Variants in SUPT3H observed in about 807,000 individuals in gnomAD.
SUPT3H encodes the protein transcription initiation protein SPT3 homolog.
Under a neutral mutation model 44.3 loss-of-function variants are expected in SUPT3H, and 44 were observed. The observed-to-expected ratio is 0.99, with a 90% CI of 0.78 to 1.28. SUPT3H has a LOEUF of 1.28. Among genes scored for constraint, SUPT3H ranks in the 50% most tolerant of loss-of-function variants. SUPT3H has a pLI of 0.00. For missense variants in SUPT3H, 380 were observed against 387.1 expected, an observed-to-expected ratio of 0.98 and a Z score of 0.15; for synonymous variants, 124 against 125.6, an observed-to-expected ratio of 0.99 and a Z score of 0.09.
At chr6:44,938,250 T>C (rs930274286) in intron 9 of SUPT3H, among the ~76,000 whole-genome samples, 3 of 152,122 alleles carry the variant, frequency 2.0e-5, no homozygotes, top group African/African-American at 7.2e-5. Flanking sequence ...TTGATTTTTG[T>C]ATATGATAAG....
intron 9 of SUPT3H, among the ~76,000 whole-genome samples, chr6:44,938,700 C>T (rs975383341): frequency 6.6e-6 from 1 of 152,046 alleles, no homozygotes; most frequent in Non-Finnish European, 1.5e-5. Flanking sequence ...TCTTCTGATC[C>T]ATAAGCATGG....
intron 2 of SUPT3H, among the ~76,000 whole-genome samples, chr6:45,293,502 C>T (rs1223206500): frequency 5.5e-5 from 8 of 146,544 alleles, no homozygotes; most frequent in Non-Finnish European, 1.1e-4. Flanking sequence ...CAGAACTAAA[C>T]GAAACTGAAA....
chr6:44,979,498 T>C (rs1221966621), intron 6 of SUPT3H, among the ~76,000 whole-genome samples: 1 of 152,096 alleles, frequency 6.6e-6, no homozygotes, highest in Admixed American at 6.6e-5. Flanking sequence ...AAAAGTAAAC[T>C]CAGTTTTTAT....
At position 44,976,364 on chromosome 6, in the gene SUPT3H, C is replaced by CT. The variant is rs34713610; in HGVS notation, c.505-14537dup. Among the ~76,000 whole-genome samples the CT allele has an allele frequency of 5.4e-3, 802 of 147,294 alleles. 6 individuals carry two copies. The highest frequency in any genetic ancestry group is 0.016 in the African/African-American group (658 of 40,330). ...GTCTACACATTTGGAAAATTAATGT[C>CT]TTTTTTTTTTTTCTTGAGACAGAGT... On this transcript the variant is annotated intron_variant, in intron 6 of 10. Coordinates refer to ENST00000371459, the MANE Select transcript of SUPT3H (RefSeq NM_003599.4).
chr6:45,223,750 T>G (rs1766449432), intron 2 of SUPT3H, among the ~76,000 whole-genome samples: 2 of 151,666 alleles, frequency 1.3e-5, no homozygotes. Flanking sequence ...AGGATACATT[T>G]ACTGTAATTA....
At chr6:45,043,366 T>C (rs1199974961) in intron 3 of SUPT3H, among the ~76,000 whole-genome samples, 1 of 152,174 alleles carries the variant, frequency 6.6e-6, no homozygotes, top group Non-Finnish European at 1.5e-5. Flanking sequence ...ACAGGTTTGT[T>C]ACATGGGTGA....
intron 2 of SUPT3H, among the ~76,000 whole-genome samples, chr6:45,345,819 G>T (rs1790741146): frequency 6.6e-6 from 1 of 152,018 alleles, no homozygotes; most frequent in African/African-American, 2.4e-5. Context: ...TAACTCCTCA[G>T]TCTGCCAAAG....
chr6:45,077,769 AAGAT>A (rs1795222221), intron 3 of SUPT3H, among the ~76,000 whole-genome samples: 1 of 152,128 alleles, frequency 6.6e-6, no homozygotes, highest in African/African-American at 2.4e-5. Context: ...AAAGTAAAGA[AAGAT>A]AGATCAAAAT....
At chr6:45,020,288 T>C (rs1256425423) in intron 4 of SUPT3H, among the ~76,000 whole-genome samples, 1 of 151,888 alleles carries the variant, frequency 6.6e-6, no homozygotes, top group Non-Finnish European at 1.5e-5. Context: ...CATGTAGCAA[T>C]GAAAGTGTCT....
At chr6:45,263,520 C>T (rs1293400255) in intron 2 of SUPT3H, among the ~76,000 whole-genome samples, 2 of 152,040 alleles carry the variant, frequency 1.3e-5, no homozygotes, top group Non-Finnish European at 2.9e-5. Context: ...TGAAAAACTA[C>T]ATATTGAGTA....
intron 2 of SUPT3H, among the ~76,000 whole-genome samples, chr6:45,255,657 A>T: frequency 6.6e-6 from 1 of 151,998 alleles, no homozygotes; most frequent in Non-Finnish European, 1.5e-5. Flanking sequence ...TCCTGGCCTC[A>T]GGTGATCCTC....
rs114483632 is a variant in SUPT3H, at chr6:44,934,092, G to C, written c.802-1329C>G. 4.8e-3 allele frequency among the ~76,000 whole-genome samples: 726 copies of C among 152,188 alleles called. 8 individuals are homozygous for C. Among genetic ancestry groups the C allele is most frequent in the African/African-American group, 0.016 (678 of 41,520 alleles). ...GGTCTAGAAGTCATTTGTAGTCACAGAATTAATATTATTTGTTTTTCTGAT... is the reference window on the plus strand; with the variant it reads ...GGTCTAGAAGTCATTTGTAGTCACACAATTAATATTATTTGTTTTTCTGAT... On this transcript the variant is annotated intron_variant, in intron 9 of 10. Transcript: ENST00000371459.
chr6:44,906,099 C>T (rs148502247), intron 10 of SUPT3H, among the ~76,000 whole-genome samples: 10 of 152,226 alleles, frequency 6.6e-5, no homozygotes, highest in African/African-American at 2.4e-4. Context: ...GGTTGCAGCA[C>T]ATCAAATGGC....
chr6:44,897,850 G>T (rs957376606), intron 10 of SUPT3H, among the ~76,000 whole-genome samples: 1 of 152,058 alleles, frequency 6.6e-6, no homozygotes, highest in African/African-American at 2.4e-5. Flanking sequence ...TCTTCACTGA[G>T]CCCTAGGCCT....
intron 10 of SUPT3H, among the ~76,000 whole-genome samples, chr6:44,864,403 G>C (rs905264997): frequency 2.6e-5 from 4 of 152,326 alleles, no homozygotes; most frequent in Admixed American, 6.5e-5. Context: ...TGATGCCCCA[G>C]TAGGGACTCT....
chr6:45,366,640 A>G (rs1223548254), intron 1 of SUPT3H, among the ~76,000 whole-genome samples: 1 of 152,136 alleles, frequency 6.6e-6, no homozygotes, highest in African/African-American at 2.4e-5. Context: ...AAACTTAAAC[A>G]TTTTTACTAA....
At chr6:45,267,006 T>C (rs1362932128) in intron 2 of SUPT3H, among the ~76,000 whole-genome samples, 1 of 152,144 alleles carries the variant, frequency 6.6e-6, no homozygotes, top group Non-Finnish European at 1.5e-5. Context: ...ATGGTATAAA[T>C]TTACCTTCAG....
At position 45,120,106 on chromosome 6, in the gene SUPT3H, T is replaced by C. The variant is rs73737902; in HGVS notation, c.102-14100A>G. On this transcript the variant is annotated intron_variant, in intron 2 of 10. Transcript: ENST00000371459. Reference sequence around the variant, plus strand: ...GGTTAACTAAATTACCCAAGTAACATAGTTAATAAGTGGCAGAAACGAGAT... The same window carrying C: ...GGTTAACTAAATTACCCAAGTAACACAGTTAATAAGTGGCAGAAACGAGAT... Among the ~76,000 whole-genome samples, 918 of 152,028 alleles carry C rather than the reference T, an allele frequency of 6.0e-3. 14 individuals carry two copies. The highest frequency in any genetic ancestry group is 0.021 in the African/African-American group (875 of 41,432).
rs532442592 is a variant in SUPT3H at position 45,191,428 on chromosome 6, A to T, written c.102-85422T>A. On this transcript the variant is annotated intron_variant, in intron 2 of 10. Coordinates refer to ENST00000371459, the MANE Select transcript of SUPT3H (RefSeq NM_003599.4). The stretch of plus-strand genomic sequence containing the variant: ...AATTCAGAGGGAAGGAGGGAGGAAT[A>T]GGTGGAGCACGCGGGATTTTTAAGG... 5.3e-5 allele frequency among the ~76,000 whole-genome samples: 8 copies of T among 152,232 alleles called. No homozygotes were observed. In the South Asian group the frequency reaches 1.7e-3, roughly 32 times the overall value.
Sources: allele counts gnomAD v4.1 joint callset (sites outside exome capture counted in the v4.1 genomes callset), GRCh38; gene constraint gnomAD v4.1.1; transcripts MANE v1.5; gene names NCBI Gene and HGNC (gene_info 2026-07-23, HGNC 2026-07-21).